The following ENPP6 variants were observed in gnomAD, a reference collection of about 807,000 sequenced individuals.
The protein encoded by ENPP6 is glycerophosphocholine cholinephosphodiesterase ENPP6.
A neutral mutation model predicts 42.0 loss-of-function variants in ENPP6; 32 were observed. The ratio of observed to expected loss-of-function variants is 0.76; its 90% CI spans 0.58 to 1.02. The LOEUF (loss-of-function observed/expected upper bound fraction) is 1.02, where lower values mean the gene tolerates loss of function less well. Among genes scored for constraint, ENPP6 ranks in the 50% least tolerant of loss-of-function variants. The pLI is 0.00. For missense variants in ENPP6, 552 were observed against 566.8 expected, an observed-to-expected ratio of 0.97 and a Z score of 0.27; for synonymous variants, 213 against 216.0, an observed-to-expected ratio of 0.99 and a Z score of 0.12.
At chr4:184,118,925 C>G (rs1289539534) in intron 3 of ENPP6, among the ~76,000 whole-genome samples, 1 of 152,252 alleles carries the variant, frequency 6.6e-6, no homozygotes, top group Non-Finnish European at 1.5e-5. Flanking sequence ...ACACCTGAGT[C>G]TCCCATCACC....
chr4:184,164,679 C>T lies in ENPP6; in HGVS notation c.242-10946G>A, dbSNP rs537673457. Among the ~76,000 whole-genome samples, 45 of 152,330 alleles carry T rather than the reference C, an allele frequency of 3.0e-4. No individual in the cohort carries two copies. The South Asian group carries it at 8.9e-3, about 30-fold the overall frequency. On this transcript the variant is annotated intron_variant, in intron 1 of 7. Transcript: ENST00000296741. ...GACAACACATTTCTGTTTCTCTAAGCCACCCAAACTTGTGGTACTTCGTTA... is the reference window on the plus strand; with the variant it reads ...GACAACACATTTCTGTTTCTCTAAGTCACCCAAACTTGTGGTACTTCGTTA...
intron 2 of ENPP6, among the ~76,000 whole-genome samples, chr4:184,130,327 G>A (rs571600743): frequency 2.0e-5 from 3 of 151,306 alleles, no homozygotes; most frequent in East Asian, 1.9e-4. Context: ...GGGAGGCCGA[G>A]GTGGGTGGAT....
intron 3 of ENPP6, 61 bp from the exon 4 acceptor site, chr4:184,117,961 C>A: frequency 6.3e-7 from 1 of 1,575,286 alleles, no homozygotes; most frequent in Non-Finnish European, 8.6e-7. Flanking sequence ...GCTCCCTTAT[C>A]ACCCCCATAG....
At chr4:184,215,776 G>T (rs1325953073) in intron 1 of ENPP6, among the ~76,000 whole-genome samples, 1 of 152,208 alleles carries the variant, frequency 6.6e-6, no homozygotes, top group Non-Finnish European at 1.5e-5. Flanking sequence ...GAAAGCAAGG[G>T]TGAGATCTTT....
At chr4:184,108,661 T>C (rs1481277798) in intron 6 of ENPP6, among the ~76,000 whole-genome samples, 1 of 152,210 alleles carries the variant, frequency 6.6e-6, no homozygotes, top group Non-Finnish European at 1.5e-5. Flanking sequence ...GTCTTAATAA[T>C]AAAAATTTGT....
chr4:184,211,514 T>C (rs993494372), intron 1 of ENPP6, among the ~76,000 whole-genome samples: 1 of 152,158 alleles, frequency 6.6e-6, no homozygotes, highest in Non-Finnish European at 1.5e-5. Context: ...CCTCGACACA[T>C]ACACTCTCCC....
At chr4:184,173,875 G>A (rs796533539) in intron 1 of ENPP6, among the ~76,000 whole-genome samples, 40 of 152,300 alleles carry the variant, frequency 2.6e-4, no homozygotes, top group African/African-American at 9.1e-4. Flanking sequence ...GGCTGAGTGT[G>A]GAAGTGCCAG....
chr4:184,193,733 A>T (rs1294741936), intron 1 of ENPP6, among the ~76,000 whole-genome samples: 3 of 152,186 alleles, frequency 2.0e-5, no homozygotes, highest in African/African-American at 7.2e-5. Context: ...ATTAGGTTAC[A>T]TTCTCCAGAT....
chr4:184,163,499 T>C (rs920135204), intron 1 of ENPP6, among the ~76,000 whole-genome samples: 1 of 152,168 alleles, frequency 6.6e-6, no homozygotes, highest in African/African-American at 2.4e-5. Flanking sequence ...ACAGTTGGAC[T>C]CTGGAATATG....
intron 1 of ENPP6, among the ~76,000 whole-genome samples, chr4:184,193,109 T>A (rs772633022): frequency 6.6e-6 from 1 of 152,250 alleles, no homozygotes; most frequent in Non-Finnish European, 1.5e-5. Context: ...AGAATTATCC[T>A]ATGATGCAAC....
intron 7 of ENPP6, 137 bp downstream of exon 7, chr4:184,097,108 G>A (rs1195046226): frequency 1.2e-5 from 15 of 1,294,286 alleles, no homozygotes; most frequent in Non-Finnish European, 1.6e-5. Flanking sequence ...CATGGAGACC[G>A]GCTGGGTTTG....
intron 1 of ENPP6, among the ~76,000 whole-genome samples, chr4:184,180,193 C>T (rs1003244648): frequency 3.9e-5 from 6 of 152,110 alleles, no homozygotes; most frequent in African/African-American, 1.4e-4. Flanking sequence ...GATATCACTA[C>T]AGAAATACAT....
At chr4:184,097,745 G>T (rs868349291) in intron 6 of ENPP6, among the ~76,000 whole-genome samples, 1 of 152,200 alleles carries the variant, frequency 6.6e-6, no homozygotes, top group African/African-American at 2.4e-5. Context: ...AAAACCAGGG[G>T]TACAATTTCC....
At chr4:184,151,805 G>A (rs1428612696) in intron 2 of ENPP6, among the ~76,000 whole-genome samples, 1 of 152,144 alleles carries the variant, frequency 6.6e-6, no homozygotes, top group East Asian at 1.9e-4. Flanking sequence ...TGCTAGAAGA[G>A]TCAAACTCAC....
chr4:184,191,660 A>AT (rs2111108130), intron 1 of ENPP6, among the ~76,000 whole-genome samples: 1 of 152,340 alleles, frequency 6.6e-6, no homozygotes, highest in East Asian at 1.9e-4. Context: ...ATGCCTGTAC[A>AT]TAACTCCTAA....
chr4:184,102,203 C>A (rs990105362), intron 6 of ENPP6, among the ~76,000 whole-genome samples: 1 of 152,192 alleles, frequency 6.6e-6, no homozygotes, highest in African/African-American at 2.4e-5. Flanking sequence ...AGGGCCCATC[C>A]GTTTGCATTC....
At chr4:184,099,016 C>T (rs528720956) in intron 6 of ENPP6, among the ~76,000 whole-genome samples, 4 of 152,356 alleles carry the variant, frequency 2.6e-5, no homozygotes, top group East Asian at 3.9e-4. Flanking sequence ...CTGACACCAA[C>T]GTCCACTGAA....
chr4:184,113,145 GA>G (rs1266505939), intron 5 of ENPP6, among the ~76,000 whole-genome samples: 1 of 152,162 alleles, frequency 6.6e-6, no homozygotes, highest in Non-Finnish European at 1.5e-5. Flanking sequence ...GTGGGGGAGA[GA>G]AAGAATTCAT....
At chr4:184,092,117 C>T (rs1451720938) in intron 7 of ENPP6, among the ~76,000 whole-genome samples, 2 of 152,032 alleles carry the variant, frequency 1.3e-5, no homozygotes, top group Non-Finnish European at 2.9e-5. Context: ...TAGCCCGGAC[C>T]GACAGCCAGA....
Sources: allele counts gnomAD v4.1 joint callset (sites outside exome capture counted in the v4.1 genomes callset), GRCh38; gene constraint gnomAD v4.1.1; transcripts MANE v1.5; gene names NCBI Gene and HGNC (gene_info 2026-07-23, HGNC 2026-07-21).